CEP89: variants seen among roughly 807,000 people sequenced by gnomAD.
The protein encoded by CEP89 is centrosomal protein of 89 kDa.
A neutral mutation model predicts 97.6 loss-of-function variants in CEP89; 95 were observed. The ratio of observed to expected loss-of-function variants is 0.97; its 90% CI spans 0.82 to 1.15. The LOEUF (loss-of-function observed/expected upper bound fraction) is 1.15. CEP89 is among the 50% of genes most tolerant of loss of function. The pLI, the probability that CEP89 is intolerant of heterozygous loss-of-function variation, is 0.00. For synonymous variants in CEP89, 354 were observed against 349.1 expected, an observed-to-expected ratio of 1.01 and a Z score of -0.16; for missense variants, 869 against 947.7, an observed-to-expected ratio of 0.92 and a Z score of 1.09.
intron 6 of CEP89, 57 bp from the exon 7 acceptor site, chr19:32,937,730 G>T: frequency 8.0e-7 from 1 of 1,246,786 alleles, no homozygotes; most frequent in Non-Finnish European, 1.2e-6. Context: ...TTTATAAAGT[G>T]GACACACGCA....
intron 14 of CEP89, among the ~76,000 whole-genome samples, chr19:32,914,275 T>C (rs1970073635): frequency 6.6e-6 from 1 of 152,132 alleles, no homozygotes; most frequent in African/African-American, 2.4e-5. Flanking sequence ...GTTTCCAGTT[T>C]TACTATTTTA....
chr19:32,877,369 T>A lies in CEP89; in HGVS notation c.*1793A>T, dbSNP rs1357970125. 2 of 152,260 alleles carry A rather than the reference T, an allele frequency of 1.3e-5. No homozygotes were observed. The highest frequency in any genetic ancestry group is 4.8e-5 in the African/African-American group (2 of 41,420). 9.4% of individuals were successfully genotyped at this position (152,260 alleles called of 1,614,324 possible). Reference sequence around the variant, plus strand: ...ACTGCGAGGGGCTCTGAAAAGGAGATGCTGCAGGGTGCCACCCCTGAGTCC... The same window carrying A: ...ACTGCGAGGGGCTCTGAAAAGGAGAAGCTGCAGGGTGCCACCCCTGAGTCC... On this transcript the variant is annotated 3_prime_UTR_variant, in exon 19 of 19. Transcript: ENST00000305768.
rs188086956 is a variant in CEP89, at chr19:32,907,963, T to C, written c.1566-6551A>G. 9.8e-5 allele frequency among the ~76,000 whole-genome samples: 15 copies of C among 152,330 alleles called. No individual in the cohort carries two copies. The East Asian group carries it at 2.3e-3, about 23-fold the overall frequency. ...TGTTTAGATACACAAATACTTACCA[T>C]TGGTTTATAGTTGCCTGCAGTGTTC... is the stretch of plus-strand genomic sequence containing the variant. On this transcript the variant is annotated intron_variant, in intron 14 of 18. Transcript: ENST00000305768.
intron 1 of CEP89, 150 bp downstream of exon 1, chr19:32,971,686 G>T: frequency 2.9e-6 from 2 of 693,034 alleles, no homozygotes; most frequent in East Asian, 2.7e-5. Flanking sequence ...TTTAGAACAC[G>T]AAAAATCAAG....
chr19:32,901,183 G>C, intron 15 of CEP89, 62 bp downstream of exon 15: 1 of 1,525,754 alleles, frequency 6.6e-7, no homozygotes, highest in Non-Finnish European at 9.0e-7. Context: ...ACTGTACCCA[G>C]ACCATTTGTC....
rs7253415 is a variant in CEP89 at position 32,901,181 on chromosome 19, C to T, written c.1733+64G>A. ...GATTACAGGAGTGAGCCACTGTACCCAGACCATTTGTCTTTTTTAACTATT... is the reference window on the plus strand; with the variant it reads ...GATTACAGGAGTGAGCCACTGTACCTAGACCATTTGTCTTTTTTAACTATT... On this transcript the variant is annotated intron_variant, in intron 15 of 18. Coordinates refer to ENST00000305768, the MANE Select transcript of CEP89 (RefSeq NM_032816.5). 0.4 allele frequency: 600,919 copies of T among 1,516,098 alleles called. 123,026 individuals are homozygous for T. Among genetic ancestry groups the T allele is most frequent in the Non-Finnish European group, 0.42 (466,588 of 1,109,036 alleles). 93.9% of individuals were successfully genotyped at this position (1,516,098 alleles called of 1,614,324 possible). A position where few individuals can be genotyped will look rare whatever the true frequency, so the allele number is the denominator to read the frequency against.
intron 3 of CEP89, among the ~76,000 whole-genome samples, chr19:32,955,560 C>G (rs1475595480): frequency 2.0e-5 from 3 of 152,150 alleles, no homozygotes; most frequent in African/African-American, 7.2e-5. Context: ...GTCACCCAGG[C>G]TGGAGTGTGG....
chr19:32,961,441 T>C (rs1355398007), intron 2 of CEP89, among the ~76,000 whole-genome samples: 1 of 148,462 alleles, frequency 6.7e-6, no homozygotes, highest in Admixed American at 6.7e-5. Flanking sequence ...TAGGTGGGCG[T>C]GGTGGCGGGT....
chr19:32,947,050 A>T (rs547004778), intron 5 of CEP89, among the ~76,000 whole-genome samples: 1 of 152,246 alleles, frequency 6.6e-6, no homozygotes, highest in South Asian at 2.1e-4. Context: ...TGGCCCCAGG[A>T]TTATGAGGCT....
chr19:32,923,915 T>A (rs922834628), intron 11 of CEP89, among the ~76,000 whole-genome samples: 2 of 152,258 alleles, frequency 1.3e-5, no homozygotes, highest in Non-Finnish European at 2.9e-5. Flanking sequence ...AATTGGAGGT[T>A]TTTAATATAA....
chr19:32,904,147 C>T (rs1362553483), intron 14 of CEP89, among the ~76,000 whole-genome samples: 1 of 152,166 alleles, frequency 6.6e-6, no homozygotes, highest in Non-Finnish European at 1.5e-5. Flanking sequence ...CCAACAGAGC[C>T]AGACCCTGTG....
intron 13 of CEP89, 88 bp downstream of exon 13, chr19:32,918,136 A>C: frequency 9.1e-7 from 1 of 1,102,324 alleles, no homozygotes; most frequent in Non-Finnish European, 1.4e-6. Flanking sequence ...CTCATTTTCA[A>C]CTGGGGCCCC....
intron 15 of CEP89, among the ~76,000 whole-genome samples, chr19:32,900,559 T>C (rs888399362): frequency 2.6e-5 from 4 of 152,018 alleles, no homozygotes; most frequent in Non-Finnish European, 4.4e-5. Context: ...CCACCACACC[T>C]GGCCCATAGG....
At chr19:32,879,461 C>T in intron 18 of CEP89, 83 bp from the exon 19 acceptor site, 2 of 1,135,076 alleles carry the variant, frequency 1.8e-6, no homozygotes. Flanking sequence ...GAACTCAAAA[C>T]AGAAGAACGC....
chr19:32,900,902 T>C (rs1285786528), intron 15 of CEP89, among the ~76,000 whole-genome samples: 1 of 151,742 alleles, frequency 6.6e-6, no homozygotes, highest in Non-Finnish European at 1.5e-5. Flanking sequence ...TTTTTTTTTT[T>C]TGAGACAGGG....
intron 16 of CEP89, 115 bp downstream of exon 16, chr19:32,899,742 G>C: frequency 1.0e-6 from 1 of 985,524 alleles, no homozygotes; most frequent in Non-Finnish European, 1.5e-6. Context: ...ACCATCCATC[G>C]TAAGTCAGGG....
intron 3 of CEP89, among the ~76,000 whole-genome samples, chr19:32,959,526 T>A (rs1404243552): frequency 6.6e-6 from 1 of 151,834 alleles, no homozygotes; most frequent in Non-Finnish European, 1.5e-5. Context: ...ACGTGAGAGG[T>A]AAGGAGGGAC....
intron 14 of CEP89, among the ~76,000 whole-genome samples, chr19:32,901,676 G>T (rs929511971): frequency 2.6e-5 from 4 of 152,026 alleles, no homozygotes; most frequent in Non-Finnish European, 5.9e-5. Context: ...TGCCCAGGCT[G>T]GAGTGCAGTG....
intron 3 of CEP89, among the ~76,000 whole-genome samples, chr19:32,954,168 C>T (rs910224428): frequency 5.9e-5 from 9 of 151,758 alleles, no homozygotes; most frequent in African/African-American, 2.2e-4. Flanking sequence ...CCACTGTGCC[C>T]GGCCAGTATC....
Sources: allele counts gnomAD v4.1 joint callset (sites outside exome capture counted in the v4.1 genomes callset), GRCh38; gene constraint gnomAD v4.1.1; transcripts MANE v1.5; gene names NCBI Gene and HGNC (gene_info 2026-07-23, HGNC 2026-07-21).